Variants in ELF1 observed in about 807,000 individuals in gnomAD.
ELF1 encodes ETS-related transcription factor Elf-1.
Under a neutral mutation model 59.9 loss-of-function variants are expected in ELF1, and 24 were observed. That is an observed-to-expected ratio of 0.40 (90% CI 0.29 to 0.56). The LOEUF (loss-of-function observed/expected upper bound fraction) is 0.56, where lower values mean the gene tolerates loss of function less well. Ranked by LOEUF, ELF1 falls within the 20% of genes least tolerant of loss-of-function variation. ELF1 has a pLI of 0.44. For synonymous variants in ELF1, 248 were observed against 266.2 expected (o/e 0.93, Z 0.67); for missense variants, 627 against 742.2 (o/e 0.84, Z 1.80).
chr13:40,993,745 A>G (rs1235788783), intron 1 of ELF1, among the ~76,000 whole-genome samples: 1 of 152,088 alleles, frequency 6.6e-6, no homozygotes, highest in Non-Finnish European at 1.5e-5. Flanking sequence ...TAGGCCTCCC[A>G]AAGTGCTGGG....
rs1239569288 is a variant in ELF1 at position 40,956,108 on chromosome 13, A to G, written c.253+2728T>C. ...TCATTGAGAACGGGCCATGATGACA[A>G]TGGCGGTTTTGTGGAATAGAAAGGG... On this transcript the variant is annotated intron_variant, in intron 3 of 8. Transcript: ENST00000239882. Among the ~76,000 whole-genome samples the G allele has an allele frequency of 1.3e-4, 20 of 150,028 alleles. No homozygotes were observed. In the East Asian group the frequency reaches 3.1e-3, roughly 23 times the overall value.
intron 1 of ELF1, among the ~76,000 whole-genome samples, chr13:40,989,558 T>C (rs1428665269): frequency 6.6e-6 from 1 of 152,168 alleles, no homozygotes; most frequent in Non-Finnish European, 1.5e-5. Context: ...TTTAATTAAT[T>C]TTTTTATTGT....
intron 3 of ELF1, among the ~76,000 whole-genome samples, chr13:40,957,125 A>G (rs1320475306): frequency 9.3e-6 from 1 of 107,354 alleles, no homozygotes; most frequent in Non-Finnish European, 2.3e-5. Flanking sequence ...TTTCGTTTTG[A>G]GTCTCTGGAT....
At chr13:40,934,266 G>A (rs1215012350) in intron 8 of ELF1, among the ~76,000 whole-genome samples, 8 of 152,134 alleles carry the variant, frequency 5.3e-5, no homozygotes, top group Admixed American at 4.6e-4. Context: ...GAGTGCTATG[G>A]AAGAAAGGTC....
At chr13:41,034,790 TA>T (rs368956919) in intron 1 of ELF1, among the ~76,000 whole-genome samples, 1,461 of 117,328 alleles carry the variant, frequency 0.012, 8 homozygotes, top group Middle Eastern at 0.037. Context: ...ATATTCCTAT[TA>T]AAAAAAAAAA....
At chr13:41,011,634 G>A (rs1331592141) in intron 1 of ELF1, among the ~76,000 whole-genome samples, 1 of 151,690 alleles carries the variant, frequency 6.6e-6, no homozygotes, top group African/African-American at 2.4e-5. Context: ...AGTAGAGAAG[G>A]GGTTTCATCG....
chr13:41,003,297 TCTAC>T (rs1342606791), intron 1 of ELF1, among the ~76,000 whole-genome samples: 2 of 152,288 alleles, frequency 1.3e-5, no homozygotes, highest in South Asian at 2.1e-4. Flanking sequence ...TTTCCACATG[TCTAC>T]CTAAGTTTTA....
chr13:40,944,990 C>T (rs1271973705), intron 5 of ELF1, among the ~76,000 whole-genome samples: 1 of 152,096 alleles, frequency 6.6e-6, no homozygotes, highest in Non-Finnish European at 1.5e-5. Context: ...TCAAAAAGCC[C>T]GCTCTTCAGT....
intron 1 of ELF1, among the ~76,000 whole-genome samples, chr13:41,010,458 AC>A (rs950337793): frequency 7.5e-5 from 2 of 26,598 alleles, no homozygotes; most frequent in East Asian, 2.1e-3. Context: ...TCTCCCCCCC[AC>A]CCCCCCAAAA....
At chr13:40,967,490 TAAATA>T (rs1320846295) in intron 2 of ELF1, among the ~76,000 whole-genome samples, 6 of 152,192 alleles carry the variant, frequency 3.9e-5, no homozygotes, top group African/African-American at 1.4e-4. Flanking sequence ...TAGTAAGCAA[TAAATA>T]AAATGTTTTG....
In ELF1 at chr13:40,973,459, A is replaced by G. The variant is rs561523120; in HGVS notation, c.72+8524T>C. On this transcript the variant is annotated intron_variant, in intron 2 of 8. Transcript: ENST00000239882. ...TGTTGAAAATGACCCTCTTTTTTAA[A>G]AAAGGCCAGTTACACTAACTGTTTA... Among the ~76,000 whole-genome samples the G allele has an allele frequency of 7.2e-5, 11 of 152,306 alleles. No individual in the cohort carries two copies. In the South Asian group the frequency reaches 2.1e-3, roughly 29 times the overall value.
chr13:40,981,869 AT>A, intron 2 of ELF1, 113 bp downstream of exon 2: 9 of 1,200,820 alleles, frequency 7.5e-6, no homozygotes, highest in Non-Finnish European at 1.0e-5. Flanking sequence ...TCATCTATAA[AT>A]TTTTACTTTC....
At chr13:41,041,650 G>C (rs376757937) in intron 1 of ELF1, among the ~76,000 whole-genome samples, 5 of 152,158 alleles carry the variant, frequency 3.3e-5, no homozygotes, top group South Asian at 4.2e-4. Flanking sequence ...ACTCCAGCCT[G>C]AGCAACAGAG....
At chr13:41,023,121 A>G (rs1875753436), upstream of ELF1, among the ~76,000 whole-genome samples, 1 of 152,214 alleles carries the variant, frequency 6.6e-6, no homozygotes, top group Non-Finnish European at 1.5e-5. Flanking sequence ...ATTAGCTGAG[A>G]GAGATTGAGT....
In ELF1 at chr13:40,982,253, T is replaced by G; in HGVS notation, c.-199A>C. ...TCTAGTCAAATTGAGACAATTTTTC[T>G]GAAATTTTTCTTCTCTCAAGCTTCT... On this transcript the variant is annotated 5_prime_UTR_variant, in exon 2 of 9. Transcript: ENST00000239882. 7.9e-7 allele frequency: 1 copy of G among 1,270,666 alleles called. No homozygotes were observed. The highest frequency in any genetic ancestry group is 9.9e-7 in the Non-Finnish European group (1 of 1,007,566). 78.7% of individuals were successfully genotyped at this position (1,270,666 alleles called of 1,614,324 possible).
At chr13:40,949,761 A>C (rs897468665) in intron 5 of ELF1, 45 bp downstream of exon 5, 1 of 1,593,322 alleles carries the variant, frequency 6.3e-7, no homozygotes, top group African/African-American at 1.4e-5. Context: ...TCTAGATTTC[A>C]CACCAAGACT....
chr13:40,983,675 A>G (rs946738616), intron 1 of ELF1, among the ~76,000 whole-genome samples: 2 of 150,224 alleles, frequency 1.3e-5, no homozygotes, highest in Non-Finnish European at 3.0e-5. Flanking sequence ...GCAATGTACC[A>G]TATCTAGAAG....
In ELF1 at chr13:40,942,996, T is replaced by C. The variant is rs1178947258; in HGVS notation, c.762A>G (p.Lys254=). The change falls in exon 7 of 9, where the codon AAA becomes AAG. Residue 254 remains lysine (K), a synonymous_variant. Coordinates refer to ENST00000239882, the MANE Select transcript of ELF1 (RefSeq NM_172373.4). ...TCTCATAATTCATATCAGGTTTGTT[T>C]TTGTGCTTCCCCCACAACCTGGACA... is the stretch of plus-strand genomic sequence containing the variant. The part of the protein sequence containing the change: ...KAVSRLWGKH[K]NKPDMNYETM... 6.2e-7 allele frequency: 1 copy of C among 1,610,234 alleles called. No individual in the cohort carries two copies. The highest frequency in any genetic ancestry group is 8.5e-7 in the Non-Finnish European group (1 of 1,178,050).
At chr13:41,060,747 C>A (rs900669794) in intron 1 of ELF1, 2 of 169,074 alleles carry the variant, frequency 1.2e-5, no homozygotes, top group Non-Finnish European at 2.7e-5. Flanking sequence ...GTTCCCATAC[C>A]GGGAGTCGAA....
Sources: gnomAD v4.1 joint callset for allele counts (sites outside exome capture counted in the v4.1 genomes callset) on GRCh38, gnomAD v4.1.1 for gene constraint, MANE v1.5 for transcripts, NCBI Gene and HGNC (gene_info 2026-07-23, HGNC 2026-07-21) for gene names.